DNAJC16: variants seen among roughly 807,000 people sequenced by gnomAD.
DNAJC16 encodes the protein dnaJ homolog subfamily C member 16.
A neutral mutation model predicts 92.7 loss-of-function variants in DNAJC16; 76 were observed. The ratio of observed to expected loss-of-function variants is 0.82; its 90% CI spans 0.68 to 0.99. DNAJC16 has a LOEUF of 0.99. Among genes scored for constraint, DNAJC16 ranks in the 50% least tolerant of loss-of-function variants. DNAJC16 has a pLI of 0.00. For synonymous variants in DNAJC16, 328 were observed against 358.7 expected, an observed-to-expected ratio of 0.91 and a Z score of 0.97; for missense variants, 869 against 942.4, an observed-to-expected ratio of 0.92 and a Z score of 1.02.
At chr1:15,560,866 C>T (rs1332026381) in intron 8 of DNAJC16, among the ~76,000 whole-genome samples, 6 of 152,040 alleles carry the variant, frequency 3.9e-5, no homozygotes, top group Non-Finnish European at 2.9e-5. Flanking sequence ...CTCTCTGCTC[C>T]ATTCCACTCT....
intron 7 of DNAJC16, 55 bp from the exon 8 acceptor site, chr1:15,559,471 C>CTATA: frequency 6.2e-7 from 1 of 1,602,256 alleles, no homozygotes; most frequent in Non-Finnish European, 8.5e-7. Context: ...GAAAGCCCAT[C>CTATA]TATTTGCATT....
intron 4 of DNAJC16, among the ~76,000 whole-genome samples, chr1:15,543,463 A>C (rs1010091935): frequency 6.6e-6 from 1 of 152,190 alleles, no homozygotes; most frequent in Non-Finnish European, 1.5e-5. Context: ...GAGGAGTGGA[A>C]GAAGAGGGCA....
intron 7 of DNAJC16, among the ~76,000 whole-genome samples, chr1:15,550,906 G>C (rs1423207005): frequency 6.6e-6 from 1 of 152,184 alleles, no homozygotes; most frequent in Non-Finnish European, 1.5e-5. Flanking sequence ...ATCTCACTCT[G>C]TCGCCCAGGC....
At chr1:15,558,545 T>G (rs895654003) in intron 7 of DNAJC16, among the ~76,000 whole-genome samples, 7 of 152,142 alleles carry the variant, frequency 4.6e-5, no homozygotes, top group Non-Finnish European at 1.0e-4. Flanking sequence ...TTGCACAGGC[T>G]GGTCTCTAAC....
chr1:15,536,570 T>C lies in DNAJC16; in HGVS notation c.330T>C (p.Tyr110=). The C allele has an allele frequency of 6.2e-7, 1 of 1,614,196 alleles. No individual in the cohort carries two copies. The highest frequency in any genetic ancestry group is 8.5e-7 in the Non-Finnish European group (1 of 1,180,034). ...AGAAGCAGCAACAGCAGCGAGAGTATCGCTTCCGCCATTTCCATGAAAATT... is the reference window on the plus strand; with the variant it reads ...AGAAGCAGCAACAGCAGCGAGAGTACCGCTTCCGCCATTTCCATGAAAATT... ...GYQKQQQQRE[Y]RFRHFHENFY... The change falls in exon 4 of 15, where the codon TAT becomes TAC. Residue 110 remains tyrosine, a synonymous_variant. Transcript: ENST00000375847.
At chr1:15,528,110 C>T (rs985001793) in intron 1 of DNAJC16, among the ~76,000 whole-genome samples, 2 of 152,166 alleles carry the variant, frequency 1.3e-5, no homozygotes, top group African/African-American at 2.4e-5. Flanking sequence ...TTTTTCTTGC[C>T]GCTTTTTCTC....
intron 5 of DNAJC16, among the ~76,000 whole-genome samples, chr1:15,544,958 T>C (rs935413469): frequency 5.3e-5 from 8 of 152,216 alleles, no homozygotes; most frequent in Admixed American, 3.9e-4. Flanking sequence ...TGTGAAGATA[T>C]TTGTCTTTAT....
At chr1:15,535,710 A>G (rs1416129771) in intron 3 of DNAJC16, among the ~76,000 whole-genome samples, 1 of 152,036 alleles carries the variant, frequency 6.6e-6, no homozygotes, top group Non-Finnish European at 1.5e-5. Context: ...AGCCTGGGTG[A>G]CAGAGTGAGA....
Position 15,564,124 on chromosome 1 carries a change from G to A in DNAJC16, c.1521+13G>A. The A allele has an allele frequency of 6.2e-7, 1 of 1,613,802 alleles. No homozygotes were observed. Among genetic ancestry groups the A allele is most frequent in the Non-Finnish European group, 8.5e-7 (1 of 1,179,802 alleles). On this transcript the variant is annotated intron_variant, in intron 10 of 14. Transcript: ENST00000375847. ...TGAACTTGCCCCTGTGAGCATCGGG[G>A]CTGGGAAGGGTGGGACACCAGGAGG... is the stretch of plus-strand genomic sequence containing the variant.
In DNAJC16 at chr1:15,544,539, C is replaced by T. The variant is rs1326860069; in HGVS notation, c.715C>T (p.Arg239Ter). The change falls in exon 5 of 15, where the codon CGA becomes TGA. Residue 239 changes from arginine (R) to a stop codon, truncating the protein, a stop_gained. Coordinates refer to ENST00000375847, the MANE Select transcript of DNAJC16 (RefSeq NM_015291.4). LOFTEE classifies it high-confidence loss of function. ...CAATGCAGTTGTCCGTGAAAATCTGCGACAATTTGTAGAAAGTCTTCTTCC... is the reference window on the plus strand; with the variant it reads ...CAATGCAGTTGTCCGTGAAAATCTGTGACAATTTGTAGAAAGTCTTCTTCC... ...FHNAVVRENL[R>*]QFVESLLPGN... 8 of 1,614,086 alleles carry T rather than the reference C, an allele frequency of 5.0e-6. No individual in the cohort carries two copies. Among genetic ancestry groups the T allele is most frequent in the South Asian group, 2.2e-5 (2 of 91,084 alleles).
chr1:15,549,933 C>T (rs753653347), intron 7 of DNAJC16, among the ~76,000 whole-genome samples: 2 of 151,808 alleles, frequency 1.3e-5, no homozygotes, highest in African/African-American at 4.8e-5. Flanking sequence ...TAATCTCTTG[C>T]TGTGCCTAAT....
At chr1:15,547,007 G>A in intron 6 of DNAJC16, 136 bp downstream of exon 6, 1 of 703,466 alleles carries the variant, frequency 1.4e-6, no homozygotes, top group Non-Finnish European at 2.3e-6. Flanking sequence ...TCATCCATGA[G>A]AAATGTTTGA....
rs186440456 is a variant in DNAJC16 at position 15,555,102 on chromosome 1, G to A, written c.1024-4424G>A. ...TTTTAAAAAAGAATGTAGGCCAGGCGCGGTGGCTCACACCTGTAATCCTCG... is the reference window on the plus strand; with the variant it reads ...TTTTAAAAAAGAATGTAGGCCAGGCACGGTGGCTCACACCTGTAATCCTCG... On this transcript the variant is annotated intron_variant, in intron 7 of 14. Coordinates refer to ENST00000375847, the MANE Select transcript of DNAJC16 (RefSeq NM_015291.4). Among the ~76,000 whole-genome samples the A allele has an allele frequency of 1.6e-4, 24 of 151,122 alleles. 1 individual carries two copies. The highest frequency in any genetic ancestry group is 4.6e-4 in the African/African-American group (19 of 41,170).
intron 2 of DNAJC16, among the ~76,000 whole-genome samples, chr1:15,531,998 A>G (rs1203970542): frequency 1.3e-5 from 2 of 152,222 alleles, no homozygotes; most frequent in Non-Finnish European, 2.9e-5. Flanking sequence ...TAGACTGCTT[A>G]AGAATTTTAC....
chr1:15,542,011 C>T (rs998060517), intron 4 of DNAJC16, among the ~76,000 whole-genome samples: 1 of 152,100 alleles, frequency 6.6e-6, no homozygotes. Context: ...TCTTAGTGGG[C>T]CCCTGTGTGG....
rs140741623 is a variant in DNAJC16 at position 15,537,003 on chromosome 1, A to G, written c.574+189A>G. Reference sequence around the variant, plus strand: ...GTAGTTGGGATTACAGGCACCCACCATCACGCCCAGCTAATTTTTGTATTT... The same window carrying G: ...GTAGTTGGGATTACAGGCACCCACCGTCACGCCCAGCTAATTTTTGTATTT... On this transcript the variant is annotated intron_variant, in intron 4 of 14. Transcript: ENST00000375847. Among the ~76,000 whole-genome samples the G allele has an allele frequency of 3.5e-4, 53 of 152,126 alleles. No homozygotes were observed. In the East Asian group the frequency reaches 9.3e-3, roughly 27 times the overall value.
chr1:15,562,459 A>C, intron 9 of DNAJC16, 134 bp downstream of exon 9: 1 of 939,706 alleles, frequency 1.1e-6, no homozygotes, highest in Non-Finnish European at 1.5e-6. Context: ...TTCAAAGTCT[A>C]CTCTTTTGTT....
intron 7 of DNAJC16, among the ~76,000 whole-genome samples, chr1:15,556,348 C>T (rs1638572262): frequency 6.6e-6 from 1 of 151,994 alleles, no homozygotes. Flanking sequence ...AATTCTCCTG[C>T]CTCTCAGCCT....
At chr1:15,536,969 A>G (rs1710806258) in intron 4 of DNAJC16, among the ~76,000 whole-genome samples, 155 bp downstream of exon 4, 1 of 151,764 alleles carries the variant, frequency 6.6e-6, no homozygotes. Flanking sequence ...TCCTGCCTCA[A>G]CCTCCCGAGT....
Sources: gnomAD v4.1 joint callset for allele counts (sites outside exome capture counted in the v4.1 genomes callset) on GRCh38, gnomAD v4.1.1 for gene constraint, MANE v1.5 for transcripts, NCBI Gene and HGNC (gene_info 2026-07-23, HGNC 2026-07-21) for gene names.